GTF2IRD1: variants seen among roughly 807,000 people sequenced by gnomAD.
GTF2IRD1 encodes the protein GTF2I repeat domain containing 1, also known as general transcription factor II-I repeat domain-containing protein 1.
Under a neutral mutation model 113.2 loss-of-function variants are expected in GTF2IRD1, and 26 were observed. That is an observed-to-expected ratio of 0.23 (90% CI 0.17 to 0.32). GTF2IRD1 has a LOEUF of 0.32. Among genes scored for constraint, GTF2IRD1 ranks in the 10% least tolerant of loss-of-function variants. GTF2IRD1 has a pLI of 1.00. For missense variants in GTF2IRD1, 864 were observed against 1,280.8 expected (o/e 0.67, Z 4.97); for synonymous variants, 484 against 529.1 (o/e 0.91, Z 1.17).
Position 74,539,891 on chromosome 7 carries a change from CCT to C in GTF2IRD1, c.1544_1545del (p.Ser515Ter). On this transcript the variant is annotated frameshift_variant, in exon 14 of 27. Coordinates refer to ENST00000424337, the MANE Select transcript of GTF2IRD1 (RefSeq NM_005685.4). LOFTEE classifies it high-confidence loss of function. Reference sequence around the variant, plus strand: ...GTTTTGTCTTCAGACCCCTCGCCAACCTCTGAGGAAATGACAGACTCGATGCC... The same window carrying C: ...GTTTTGTCTTCAGACCCCTCGCCAACCTGAGGAAATGACAGACTCGATGCC... 6.2e-7 allele frequency: 1 copy of C among 1,612,288 alleles called. No individual in the cohort carries two copies. The highest frequency in any genetic ancestry group is 8.5e-7 in the Non-Finnish European group (1 of 1,179,486).
intron 23 of GTF2IRD1, 52 bp downstream of exon 23, chr7:74,589,980 T>C: frequency 8.3e-7 from 1 of 1,210,014 alleles, no homozygotes; most frequent in South Asian, 1.2e-5. Flanking sequence ...CCGGGGGTGG[T>C]GGGGGGCCTC....
intron 8 of GTF2IRD1, 54 bp downstream of exon 8, chr7:74,524,208 C>T (rs1362792076): frequency 8.8e-7 from 1 of 1,134,934 alleles, no homozygotes; most frequent in African/African-American, 1.6e-5. Flanking sequence ...TTGAGCATCT[C>T]ATTACGTGGC....
chr7:74,479,058 G>A (rs1401262082), intron 1 of GTF2IRD1, among the ~76,000 whole-genome samples: 1 of 152,042 alleles, frequency 6.6e-6, no homozygotes, highest in African/African-American at 2.4e-5. Flanking sequence ...GCTCTGCCCC[G>A]TCCTCCATCC....
chr7:74,457,464 T>C (rs367606348), intron 1 of GTF2IRD1, among the ~76,000 whole-genome samples: 2 of 152,136 alleles, frequency 1.3e-5, no homozygotes, highest in East Asian at 1.9e-4. Flanking sequence ...TTGACCTAAA[T>C]GGCTAAGCAG....
chr7:74,600,367 T>C (rs1160508526), intron 25 of GTF2IRD1, among the ~76,000 whole-genome samples: 1 of 151,996 alleles, frequency 6.6e-6, no homozygotes, highest in Admixed American at 6.6e-5. Context: ...TGCAGTGAGC[T>C]ACGATTGCAC....
rs782188432 is a variant in GTF2IRD1 at position 74,557,668 on chromosome 7, G to A, written c.2053G>A (p.Asp685Asn). The A allele has an allele frequency of 4.3e-6, 7 of 1,613,412 alleles. No homozygotes were observed. Among genetic ancestry groups the A allele is most frequent in the Middle Eastern group, 1.6e-4 (1 of 6,080 alleles). ...TTATGACGCGAGGCTCTCACGGATC[G>A]ACATCGCCAACACACTAAGGGAGCA... Reference protein sequence around the residue: ...ENYDARLSRIDIANTLREQVQ... With the variant: ...ENYDARLSRINIANTLREQVQ... Residue 685 changes from aspartate to asparagine, a missense_variant, in exon 20 of 27, where the codon GAC becomes AAC. Around this residue, in one of 7 missense-constraint regions of GTF2IRD1, gnomAD observed 195 missense variants for 359.1 expected, o/e 0.54. Coordinates refer to ENST00000424337, the MANE Select transcript of GTF2IRD1 (RefSeq NM_005685.4).
At chr7:74,552,766 C>G (rs1201649695) in intron 17 of GTF2IRD1, among the ~76,000 whole-genome samples, 2 of 152,114 alleles carry the variant, frequency 1.3e-5, no homozygotes, top group African/African-American at 2.4e-5. Context: ...TGGCTTTGTG[C>G]AGAGACACCT....
chr7:74,561,631 G>A (rs1434543014), intron 22 of GTF2IRD1, among the ~76,000 whole-genome samples: 2 of 152,084 alleles, frequency 1.3e-5, no homozygotes, highest in Non-Finnish European at 2.9e-5. Flanking sequence ...TTGGAAAGGT[G>A]GAGAGAGTGG....
In GTF2IRD1 at chr7:74,545,583, C is replaced by T. The variant is rs587719734; in HGVS notation, c.1667-161C>T. ...AGCCCAGGAATTGTGGACCTGTCTGCGTGTGCCATTTCTGAGGAAATAAGT... is the reference window on the plus strand; with the variant it reads ...AGCCCAGGAATTGTGGACCTGTCTGTGTGTGCCATTTCTGAGGAAATAAGT... On this transcript the variant is annotated intron_variant, in intron 15 of 26. Transcript: ENST00000424337. 8.5e-5 allele frequency among the ~76,000 whole-genome samples: 13 copies of T among 152,256 alleles called. No individual in the cohort carries two copies. In the East Asian group the frequency reaches 2.3e-3, roughly 27 times the overall value.
At chr7:74,576,453 C>T (rs587615968) in intron 22 of GTF2IRD1, among the ~76,000 whole-genome samples, 2 of 147,010 alleles carry the variant, frequency 1.4e-5, no homozygotes, top group South Asian at 2.2e-4. Context: ...CCCAGCTACT[C>T]GGGAGGCTGA....
chr7:74,472,060 T>C (rs1554332546), intron 1 of GTF2IRD1, among the ~76,000 whole-genome samples: 3 of 152,176 alleles, frequency 2.0e-5, no homozygotes. Flanking sequence ...ATGAATTTTA[T>C]TGCATGTATA....
intron 1 of GTF2IRD1, among the ~76,000 whole-genome samples, chr7:74,482,987 G>A (rs973422533): frequency 2.6e-5 from 4 of 152,216 alleles, no homozygotes; most frequent in African/African-American, 9.6e-5. Flanking sequence ...TTTCCCTAAA[G>A]GATGTTTTGT....
At chr7:74,469,503 G>A (rs1024163853) in intron 1 of GTF2IRD1, among the ~76,000 whole-genome samples, 3 of 151,938 alleles carry the variant, frequency 2.0e-5, no homozygotes, top group Non-Finnish European at 2.9e-5. Context: ...TATTCTGGGC[G>A]TTTCTTGTAG....
intron 22 of GTF2IRD1, among the ~76,000 whole-genome samples, chr7:74,566,641 C>T (rs1336987982): frequency 6.6e-6 from 1 of 152,162 alleles, no homozygotes; most frequent in Non-Finnish European, 1.5e-5. Flanking sequence ...CATGCCTGAC[C>T]ACGTCATACT....
chr7:74,536,313 G>A, intron 11 of GTF2IRD1, 38 bp downstream of exon 11: 1 of 1,295,108 alleles, frequency 7.7e-7, no homozygotes, highest in Non-Finnish European at 1.1e-6. Context: ...CCCGCGGCCA[G>A]CCCTGCTCTG....
intron 25 of GTF2IRD1, among the ~76,000 whole-genome samples, chr7:74,597,968 G>A (rs1306104135): frequency 6.6e-6 from 1 of 152,202 alleles, no homozygotes; most frequent in Non-Finnish European, 1.5e-5. Flanking sequence ...TCCACAGCCT[G>A]GGGTGGCACA....
intron 24 of GTF2IRD1, 65 bp from the exon 25 acceptor site, chr7:74,594,949 C>G (rs1394786313): frequency 7.4e-6 from 9 of 1,209,756 alleles, no homozygotes; most frequent in African/African-American, 1.5e-5. Context: ...GAGACTCCAT[C>G]TCAAAAAAAT....
intron 10 of GTF2IRD1, among the ~76,000 whole-genome samples, chr7:74,535,895 C>G (rs1217354179): frequency 6.6e-6 from 1 of 152,202 alleles, no homozygotes; most frequent in Non-Finnish European, 1.5e-5. Context: ...AGAACCATCT[C>G]TGGTTGCTGC....
chr7:74,570,771 C>T lies in GTF2IRD1; in HGVS notation c.2320+11116C>T, dbSNP rs143747453. On this transcript the variant is annotated intron_variant, in intron 22 of 26. Coordinates refer to ENST00000424337, the MANE Select transcript of GTF2IRD1 (RefSeq NM_005685.4). ...TTTAAGCAGAGGTTGAGCTGCCACT[C>T]ACTAGAGAGGCCGCTTCCTATAGGG... 9.0e-3 allele frequency among the ~76,000 whole-genome samples: 1,378 copies of T among 152,312 alleles called. 12 individuals carry two copies. The highest frequency in any genetic ancestry group is 0.013 in the Non-Finnish European group (898 of 68,018).
Sources: allele counts gnomAD v4.1 joint callset (sites outside exome capture counted in the v4.1 genomes callset), GRCh38; gene constraint gnomAD v4.1.1; regional missense constraint gnomAD v4.1.1; transcripts MANE v1.5; gene names NCBI Gene and HGNC (gene_info 2026-07-23, HGNC 2026-07-21).